PRMT9: variants seen among roughly 807,000 people sequenced by gnomAD.
PRMT9 encodes protein arginine N-methyltransferase 9.
A neutral mutation model predicts 83.2 loss-of-function variants in PRMT9; 59 were observed. The observed-to-expected ratio is 0.71, with a 90% CI of 0.57 to 0.88. The LOEUF is 0.88. PRMT9 is among the 40% of genes least tolerant of loss of function. PRMT9 has a pLI of 0.00. For missense variants in PRMT9, 947 were observed against 1,021.9 expected, an observed-to-expected ratio of 0.93 and a Z score of 1.00; for synonymous variants, 333 against 353.2, an observed-to-expected ratio of 0.94 and a Z score of 0.64.
At chr4:147,670,128 T>C (rs1250528534) in intron 5 of PRMT9, among the ~76,000 whole-genome samples, 2 of 152,060 alleles carry the variant, frequency 1.3e-5, no homozygotes, top group Non-Finnish European at 2.9e-5. Context: ...AGGCACATAA[T>C]TATACATTGA....
intron 1 of PRMT9, among the ~76,000 whole-genome samples, chr4:147,682,913 C>A (rs549430641): frequency 6.6e-6 from 1 of 152,162 alleles, no homozygotes; most frequent in Non-Finnish European, 1.5e-5. Flanking sequence ...CACCTCCCCT[C>A]CCCCATAACA....
At chr4:147,643,360 G>C (rs1018087447) in intron 9 of PRMT9, among the ~76,000 whole-genome samples, 6 of 152,178 alleles carry the variant, frequency 3.9e-5, no homozygotes, top group African/African-American at 1.4e-4. Flanking sequence ...TTAGTAAAGA[G>C]CTACAGATTA....
In PRMT9 at chr4:147,673,029, T is replaced by C. The variant is rs1223030356; in HGVS notation, c.673A>G (p.Met225Val). ...LACDVVAANK[M>V]EAGIKLLHTK... ...TGTAAGAGTTTGATCCCTGCTTCCATCTTGTTTGCTGCCACGACATCACAG... is the reference window on the plus strand; with the variant it reads ...TGTAAGAGTTTGATCCCTGCTTCCACCTTGTTTGCTGCCACGACATCACAG... Residue 225 changes from methionine to valine, a missense_variant, in exon 4 of 12, where the codon ATG becomes GTG. Met to Val is a conservative substitution (Grantham distance 21). Transcript: ENST00000322396. 1 of 1,613,914 alleles carries C rather than the reference T, an allele frequency of 6.2e-7. No homozygotes were observed. The highest frequency in any genetic ancestry group is 1.3e-5 in the African/African-American group (1 of 74,938).
chr4:147,682,185 A>T (rs948216042), intron 1 of PRMT9, among the ~76,000 whole-genome samples: 1 of 149,868 alleles, frequency 6.7e-6, no homozygotes, highest in Non-Finnish European at 1.5e-5. Flanking sequence ...TTTTATTTTT[A>T]TTTTTTTTTC....
chr4:147,653,442 TA>T (rs201458372), intron 9 of PRMT9, among the ~76,000 whole-genome samples: 7,691 of 144,318 alleles, frequency 0.053, 418 homozygotes, highest in East Asian at 0.23. Context: ...AACTCCGTCT[TA>T]AAAAAAAAAA....
At position 147,654,158 on chromosome 4, in the gene PRMT9, T is replaced by A; in HGVS notation, c.1739A>T (p.Glu580Val). Residue 580 changes from glutamate to valine, a missense_variant, in exon 9 of 12, where the codon GAA (glutamate) becomes GTA (valine). Physicochemically the swap from Glu to Val is moderately radical, Grantham distance 121. Coordinates refer to ENST00000322396, the MANE Select transcript of PRMT9 (RefSeq NM_138364.4). ...GQSNTVQNILEPFYVLDVSEG... is the reference protein window; with the variant it reads ...GQSNTVQNILVPFYVLDVSEG... ...GGACACATCTAACACGTAGAAAGGT[T>A]CAAGGATGTTCTGTACAGTATTACT... The A allele has an allele frequency of 6.2e-7, 1 of 1,614,194 alleles. No individual in the cohort carries two copies. Among genetic ancestry groups the A allele is most frequent in the Non-Finnish European group, 8.5e-7 (1 of 1,180,030 alleles).
chr4:147,680,412 T>G lies in PRMT9; in HGVS notation c.249A>C (p.Ile83=). ...GCTCATAGCAACCAAGTAAGTCTTG[T>G]ATCCGACTGAGAGCATCAAGCTCTT... is the stretch of plus-strand genomic sequence containing the variant. ...WAEELDALSR[I]QDLLGCYEQA... The change falls in exon 2 of 12, where the codon ATA becomes ATC. Residue 83 remains isoleucine, a synonymous_variant. Coordinates refer to ENST00000322396, the MANE Select transcript of PRMT9 (RefSeq NM_138364.4). 6.2e-7 allele frequency: 1 copy of G among 1,614,118 alleles called. No individual in the cohort carries two copies. Among genetic ancestry groups the G allele is most frequent in the Non-Finnish European group, 8.5e-7 (1 of 1,179,950 alleles).
At chr4:147,683,077 G>A (rs1412158688) in intron 1 of PRMT9, among the ~76,000 whole-genome samples, 2 of 152,150 alleles carry the variant, frequency 1.3e-5, no homozygotes, top group Non-Finnish European at 2.9e-5. Flanking sequence ...CAGAGTAATT[G>A]TTGCAAATAA....
chr4:147,650,891 A>G (rs1178549472), intron 9 of PRMT9, among the ~76,000 whole-genome samples: 2 of 152,214 alleles, frequency 1.3e-5, no homozygotes, highest in African/African-American at 4.8e-5. Context: ...TCACAAGGTC[A>G]GGAGATCGAG....
chr4:147,655,427 T>C (rs972070773), intron 8 of PRMT9, among the ~76,000 whole-genome samples: 1 of 152,198 alleles, frequency 6.6e-6, no homozygotes, highest in Non-Finnish European at 1.5e-5. Flanking sequence ...CCTTCCAATG[T>C]GTTGGGATTA....
At chr4:147,660,543 T>C (rs1042519635) in intron 7 of PRMT9, among the ~76,000 whole-genome samples, 2 of 152,122 alleles carry the variant, frequency 1.3e-5, no homozygotes, top group South Asian at 2.1e-4. Context: ...GGCAGGAGGA[T>C]TGCTTGAACC....
At chr4:147,679,771 G>C (rs992796504) in intron 2 of PRMT9, among the ~76,000 whole-genome samples, 4 of 152,170 alleles carry the variant, frequency 2.6e-5, no homozygotes, top group Non-Finnish European at 5.9e-5. Flanking sequence ...GTGCTGGAGA[G>C]ACACTGTAGC....
intron 10 of PRMT9, among the ~76,000 whole-genome samples, chr4:147,641,806 C>A (rs1293387855): frequency 6.6e-6 from 1 of 152,120 alleles, no homozygotes; most frequent in Non-Finnish European, 1.5e-5. Flanking sequence ...GGACTACAGG[C>A]ATGCACCACC....
At chr4:147,678,154 T>C (rs1021051086) in intron 2 of PRMT9, among the ~76,000 whole-genome samples, 2 of 152,200 alleles carry the variant, frequency 1.3e-5, no homozygotes, top group African/African-American at 4.8e-5. Flanking sequence ...TGTTAAGAAC[T>C]AATGAACTCG....
chr4:147,660,347 A>G (rs1425068675), intron 7 of PRMT9, among the ~76,000 whole-genome samples: 1 of 152,188 alleles, frequency 6.6e-6, no homozygotes, highest in Non-Finnish European at 1.5e-5. Flanking sequence ...TTAAATAAGC[A>G]GGCTGGCACA....
Position 147,661,055 on chromosome 4 carries a change from TA to T in PRMT9, c.954-18del. 6.5e-7 allele frequency: 1 copy of T among 1,548,852 alleles called. No homozygotes were observed. The highest frequency in any genetic ancestry group is 2.2e-5 in the East Asian group (1 of 44,446). On this transcript the variant is annotated intron_variant, in intron 6 of 11. Transcript: ENST00000322396. The stretch of plus-strand genomic sequence containing the variant: ...ATACCCACTCTGGAGAGAGAGAAAA[TA>T]GGGGAGGGGTAGGAAGATGGATTTT...
At chr4:147,662,483 T>C (rs752777449) in intron 6 of PRMT9, among the ~76,000 whole-genome samples, 10 of 152,204 alleles carry the variant, frequency 6.6e-5, no homozygotes, top group Non-Finnish European at 1.5e-4. Context: ...ACACACTTGC[T>C]ATAACAATGT....
At chr4:147,649,931 A>G (rs976076487) in intron 9 of PRMT9, among the ~76,000 whole-genome samples, 8 of 152,252 alleles carry the variant, frequency 5.3e-5, no homozygotes, top group Admixed American at 2.6e-4. Context: ...TGAAGACCAC[A>G]TGATCATCTC....
intron 7 of PRMT9, among the ~76,000 whole-genome samples, chr4:147,658,871 G>A (rs12510847): frequency 0.82 from 124,970 of 152,062 alleles, 55,436 homozygotes; most frequent in Non-Finnish European, 0.98. Flanking sequence ...GGCCAAGGTG[G>A]GTGGATCATT....
Sources: allele counts gnomAD v4.1 joint callset (sites outside exome capture counted in the v4.1 genomes callset), GRCh38; gene constraint gnomAD v4.1.1; transcripts MANE v1.5; gene names NCBI Gene and HGNC (gene_info 2026-07-23, HGNC 2026-07-21).